The following RAB38 variants were observed in gnomAD, a reference collection of about 807,000 sequenced individuals.
RAB38 encodes ras-related protein Rab-38.
A neutral mutation model predicts 18.4 loss-of-function variants in RAB38; 15 were observed. That is an observed-to-expected ratio of 0.82 (90% confidence interval 0.55 to 1.26). The LOEUF (loss-of-function observed/expected upper bound fraction) is 1.26. RAB38 is among the 50% of genes most tolerant of loss of function. The pLI, the probability that RAB38 is intolerant of heterozygous loss-of-function variation, is 0.00. For missense variants in RAB38, 294 were observed against 267.4 expected, an observed-to-expected ratio of 1.10 and a Z score of -0.69; for synonymous variants, 101 against 104.4, an observed-to-expected ratio of 0.97 and a Z score of 0.20.
At chr11:87,857,803 T>G in the RAB38 span, among the ~76,000 whole-genome samples, 12 of 152,080 alleles carry the variant, frequency 7.9e-5, no homozygotes, top group African/African-American at 2.9e-4. Flanking sequence ...TTTTCTCCCA[T>G]TCTGTAGGTT....
chr11:87,879,724 A>G, the RAB38 span: 2 of 151,734 alleles, frequency 1.3e-5, no homozygotes, highest in Non-Finnish European at 2.9e-5. Context: ...TTTCATGAAC[A>G]ACGTTAATCA....
downstream of RAB38, among the ~76,000 whole-genome samples, chr11:88,109,752 C>A (rs1219291069): frequency 6.6e-6 from 1 of 152,166 alleles, no homozygotes; most frequent in South Asian, 2.1e-4. Context: ...ATGAGACCAA[C>A]AAACATATGA....
chr11:87,857,713 T>A, the RAB38 span, among the ~76,000 whole-genome samples: 1 of 135,074 alleles, frequency 7.4e-6, no homozygotes, highest in East Asian at 2.0e-4. Flanking sequence ...ATGGGGTTGT[T>A]TGTTTTTTTC....
At chr11:87,889,251 C>T in the RAB38 span, among the ~76,000 whole-genome samples, 505 of 152,050 alleles carry the variant, frequency 3.3e-3, 1 homozygote, top group African/African-American at 0.011. Context: ...CTCCACCTCC[C>T]TCTGACTGAT....
chr11:88,042,846 A>G, the RAB38 span, among the ~76,000 whole-genome samples: 19 of 152,342 alleles, frequency 1.2e-4, no homozygotes, highest in African/African-American at 4.6e-4. Context: ...TTATTCAGCA[A>G]TCATTCAGTG....
the RAB38 span, among the ~76,000 whole-genome samples, chr11:88,014,416 C>T: frequency 6.6e-6 from 1 of 152,128 alleles, no homozygotes; most frequent in African/African-American, 2.4e-5. Flanking sequence ...TACAATACAA[C>T]AAGGCTATTT....
At chr11:87,944,871 G>A in the RAB38 span, among the ~76,000 whole-genome samples, 1 of 152,064 alleles carries the variant, frequency 6.6e-6, no homozygotes, top group Non-Finnish European at 1.5e-5. Flanking sequence ...TTTGAAGGAA[G>A]GGCATTGGAG....
At chr11:88,156,814 C>T (rs1295215250) in intron 1 of RAB38, among the ~76,000 whole-genome samples, 1 of 152,122 alleles carries the variant, frequency 6.6e-6, no homozygotes, top group Non-Finnish European at 1.5e-5. Flanking sequence ...ACTAGACAAG[C>T]CTTACAAGAA....
chr11:87,880,885 A>G, the RAB38 span, among the ~76,000 whole-genome samples: 1 of 151,896 alleles, frequency 6.6e-6, no homozygotes, highest in African/African-American at 2.4e-5. Context: ...TTCATGAACT[A>G]TGTTCATATG....
At chr11:88,085,144 T>C in the RAB38 span, among the ~76,000 whole-genome samples, 1 of 151,916 alleles carries the variant, frequency 6.6e-6, no homozygotes, top group Non-Finnish European at 1.5e-5. Flanking sequence ...AAGAAGACTG[T>C]CTTTACAGGA....
chr11:87,822,142 A>G, the RAB38 span, among the ~76,000 whole-genome samples: 7 of 152,250 alleles, frequency 4.6e-5, no homozygotes, highest in African/African-American at 1.7e-4. Context: ...AAGAGAAACC[A>G]AAAAGTGTAA....
chr11:88,091,927 G>A, the RAB38 span, among the ~76,000 whole-genome samples: 1 of 151,876 alleles, frequency 6.6e-6, no homozygotes, highest in Non-Finnish European at 1.5e-5. Context: ...CAAATGAAGA[G>A]GCACGTCAAT....
intron 2 of RAB38, among the ~76,000 whole-genome samples, chr11:88,135,036 A>G (rs1942816450): frequency 6.6e-6 from 1 of 152,004 alleles, no homozygotes; most frequent in African/African-American, 2.4e-5. Flanking sequence ...CACTTCCTCG[A>G]CCATTTTCTT....
chr11:88,133,362 C>T (rs1446598653), intron 2 of RAB38, among the ~76,000 whole-genome samples: 14 of 152,166 alleles, frequency 9.2e-5, no homozygotes, highest in Non-Finnish European at 2.9e-5. Flanking sequence ...TTTGAACATT[C>T]ATGGCAAATA....
At chr11:87,835,525 G>A in the RAB38 span, among the ~76,000 whole-genome samples, 4 of 152,210 alleles carry the variant, frequency 2.6e-5, no homozygotes, top group African/African-American at 7.2e-5. Context: ...CCCCTAGTAC[G>A]TCATAATGTG....
At chr11:88,052,062 G>T in the RAB38 span, among the ~76,000 whole-genome samples, 2 of 152,180 alleles carry the variant, frequency 1.3e-5, no homozygotes, top group African/African-American at 4.8e-5. Context: ...GGTGGAGGTT[G>T]CAGTGAGCTA....
At chr11:88,031,600 G>GC in the RAB38 span, among the ~76,000 whole-genome samples, 1 of 151,744 alleles carries the variant, frequency 6.6e-6, no homozygotes, top group African/African-American at 2.4e-5. Context: ...CAAACAGAGA[G>GC]CCAAATCATG....
At chr11:88,128,108 T>C (rs1202964644) in intron 2 of RAB38, among the ~76,000 whole-genome samples, 1 of 152,236 alleles carries the variant, frequency 6.6e-6, no homozygotes. Flanking sequence ...AATCTCTTTA[T>C]ACTCAGGACA....
In RAB38 at chr11:88,175,257, C is replaced by A. The variant is rs746766097; in HGVS notation, c.128G>T (p.Gly43Val). The stretch of plus-strand genomic sequence containing the variant: ...GAGCACCTTGAGCGCGAAGTCCACG[C>A]CGATTGTGGCCCGGTAGTGCGAAGA... ...NFSSHYRATI[G>V]VDFALKVLHW... The change falls in exon 1 of 3, where the codon GGC (glycine) becomes GTC (valine). Residue 43 changes from glycine to valine, a missense_variant. Gly to Val is a moderately radical substitution (Grantham distance 109). Transcript: ENST00000243662. The A allele has an allele frequency of 6.2e-7, 1 of 1,614,166 alleles. No individual in the cohort carries two copies. Among genetic ancestry groups the A allele is most frequent in the Non-Finnish European group, 8.5e-7 (1 of 1,180,030 alleles).
Sources: allele counts gnomAD v4.1 joint callset (sites outside exome capture counted in the v4.1 genomes callset), GRCh38; gene constraint gnomAD v4.1.1; transcripts MANE v1.5; gene names NCBI Gene and HGNC (gene_info 2026-07-23, HGNC 2026-07-21).